POLN: variants seen among roughly 807,000 people sequenced by gnomAD.
POLN encodes DNA polymerase nu, also known as DNA polymerase N.
In POLN, 108 loss-of-function variants were observed where a neutral mutation model predicts 113.5. The ratio of observed to expected loss-of-function variants is 0.95; its 90% confidence interval spans 0.81 to 1.12. The LOEUF (loss-of-function observed/expected upper bound fraction) is 1.12. POLN is among the 50% of genes most tolerant of loss of function. The probability of loss-of-function intolerance (pLI) is 0.00; values close to 1 mark genes in which losing one functional copy is unlikely to be tolerated. For synonymous variants in POLN, 386 were observed against 391.5 expected, an observed-to-expected ratio of 0.99 and a Z score of 0.17; for missense variants, 1,097 against 1,077.1, an observed-to-expected ratio of 1.02 and a Z score of -0.26.
At chr4:2,198,775 A>T in intron 5 of POLN, 58 bp from the exon 6 acceptor site, 1 of 1,426,538 alleles carries the variant, frequency 7.0e-7, no homozygotes. Flanking sequence ...GTAGAAAGAC[A>T]TACATTTTAA....
In POLN at chr4:2,127,586, G is replaced by A. The variant is rs754199893; in HGVS notation, c.1982+527C>T. 5.9e-5 allele frequency among the ~76,000 whole-genome samples: 9 copies of A among 152,146 alleles called. No individual in the cohort carries two copies. Among genetic ancestry groups the A allele is most frequent in the Admixed American group, 3.3e-4 (5 of 15,286 alleles). ...TCCACCAGGAGGAAGAGAAGCCAAC[G>A]TCCTGAGAATATGATGAAAAAGGAC... On this transcript the variant is annotated intron_variant, in intron 19 of 25. Transcript: ENST00000511885. This position sits in a 1 kb window ranked among gnomAD's most constrained non-coding sequence, Gnocchi z 4.7.
chr4:2,092,378 C>T (rs1221282044), intron 20 of POLN, among the ~76,000 whole-genome samples: 1 of 152,246 alleles, frequency 6.6e-6, no homozygotes, highest in Non-Finnish European at 1.5e-5. Context: ...AGGCAGGTTC[C>T]TGCTGGGCTC....
chr4:2,074,921 T>C (rs983216864), intron 24 of POLN, among the ~76,000 whole-genome samples: 1 of 152,066 alleles, frequency 6.6e-6, no homozygotes, highest in Non-Finnish European at 1.5e-5. Context: ...CTGGGGTGAT[T>C]CTGCCTGAGC....
chr4:2,113,056 G>A (rs533137744), intron 19 of POLN, among the ~76,000 whole-genome samples: 127 of 151,830 alleles, frequency 8.4e-4, no homozygotes, highest in Admixed American at 3.8e-3. Flanking sequence ...CTATGCAGCC[G>A]TAAAAAATGA....
intron 19 of POLN, among the ~76,000 whole-genome samples, chr4:2,109,088 T>C (rs1443019734): frequency 6.6e-6 from 1 of 152,108 alleles, no homozygotes; most frequent in African/African-American, 2.4e-5. Context: ...ATTATAGAAA[T>C]TTTGGAAGGA....
chr4:2,129,127 T>A, intron 18 of POLN, 52 bp downstream of exon 18: 1 of 1,308,320 alleles, frequency 7.6e-7, no homozygotes. Flanking sequence ...TTGTTCAATT[T>A]CTAAACCTTT....
At chr4:2,222,776 T>A (rs1414022527) in intron 3 of POLN, among the ~76,000 whole-genome samples, 2 of 151,512 alleles carry the variant, frequency 1.3e-5, no homozygotes, top group East Asian at 3.9e-4. Flanking sequence ...TCAACTGCCT[T>A]GTACTTCTCA....
intron 2 of POLN, chr4:2,238,923 C>A (rs1277972566): frequency 1.2e-6 from 2 of 1,612,118 alleles, no homozygotes; most frequent in African/African-American, 2.7e-5. Context: ...AATAACTGGG[C>A]ATTCTCTCTT....
chr4:2,098,468 T>A (rs2108702765), intron 19 of POLN, among the ~76,000 whole-genome samples: 1 of 152,276 alleles, frequency 6.6e-6, no homozygotes, highest in Admixed American at 6.5e-5. Context: ...TATAAAATAT[T>A]TTTAAACTTA....
At chr4:2,163,362 T>C (rs192417500) in intron 13 of POLN, among the ~76,000 whole-genome samples, 1 of 152,336 alleles carries the variant, frequency 6.6e-6, no homozygotes, top group East Asian at 1.9e-4. Flanking sequence ...ACAAAATAAC[T>C]TTCTAACCAA....
intron 23 of POLN, among the ~76,000 whole-genome samples, chr4:2,078,018 G>A (rs1026147706): frequency 6.6e-6 from 1 of 152,216 alleles, no homozygotes; most frequent in Non-Finnish European, 1.5e-5. Flanking sequence ...TGCACCAGTA[G>A]GAGAATGTTC....
At position 2,193,398 on chromosome 4, in the gene POLN, A is replaced by G. The variant is rs576592293; in HGVS notation, c.909-82T>C. ...GGAAAAATATTATTACTACTCAACTAACAGCTATCACTTAGATAGCACATA... is the reference window on the plus strand; with the variant it reads ...GGAAAAATATTATTACTACTCAACTGACAGCTATCACTTAGATAGCACATA... On this transcript the variant is annotated intron_variant, in intron 6 of 25. Coordinates refer to ENST00000511885, the MANE Select transcript of POLN (RefSeq NM_181808.4). 763 of 833,484 alleles carry G rather than the reference A, an allele frequency of 9.2e-4. 14 individuals carry two copies. The South Asian group carries it at 0.013, about 14-fold the overall frequency. 51.6% of individuals were successfully genotyped at this position (833,484 alleles called of 1,614,324 possible). A position where few individuals can be genotyped will look rare whatever the true frequency, so the allele number is the denominator to read the frequency against.
chr4:2,112,083 A>C (rs1356269211), intron 19 of POLN, among the ~76,000 whole-genome samples: 1 of 152,352 alleles, frequency 6.6e-6, no homozygotes, highest in East Asian at 1.9e-4. Flanking sequence ...ATAATGCTGC[A>C]TATCTACAAC....
Position 2,147,643 on chromosome 4 carries a change from CTTTTT to C in POLN, c.1731+9140_1731+9144del, listed in dbSNP as rs747184067. ...AGATCAGACATCCAGTTTTTCTTTT[CTTTTT>C]TTTTTTTTTTTGAGACAAAGTTTCA... On this transcript the variant is annotated intron_variant, in intron 16 of 25. Transcript: ENST00000511885. Among the ~76,000 whole-genome samples the C allele has an allele frequency of 7.3e-4, 58 of 79,366 alleles. 1 individual carries two copies. Among genetic ancestry groups the C allele is most frequent in the South Asian group, 1.4e-3 (3 of 2,148 alleles). The allele number at this position is 79,366 out of a possible 152,430, so 52.1% of individuals were successfully genotyped here. A position where few individuals can be genotyped will look rare whatever the true frequency, so the allele number is the denominator to read the frequency against.
chr4:2,073,682 A>C (rs1461258235), intron 24 of POLN, among the ~76,000 whole-genome samples: 1 of 152,230 alleles, frequency 6.6e-6, no homozygotes, highest in Non-Finnish European at 1.5e-5. Context: ...TGAAACCTGG[A>C]GCCCCTGGAT....
rs745649232 is a variant in POLN, at chr4:2,179,328, T to A, written c.1159A>T (p.Asn387Tyr). ...ITVKVNSTYG[N>Y]SSRNIVNQNV... ...CTCACCACAATATTTCTTGAGGAAT[T>A]TCCATATGTGCTGTTCACTTTAACT... Residue 387 changes from asparagine to tyrosine, a missense_variant, in exon 8 of 26, where the codon AAT (asparagine) becomes TAT (tyrosine). By Grantham distance (143) the Asn-to-Tyr change is moderately radical. Coordinates refer to ENST00000511885, the MANE Select transcript of POLN (RefSeq NM_181808.4). The A allele has an allele frequency of 5.9e-5, 95 of 1,612,160 alleles. No homozygotes were observed. In the Admixed American group the frequency reaches 1.6e-3, roughly 26 times the overall value.
chr4:2,090,902 C>T (rs1730648628), intron 20 of POLN, among the ~76,000 whole-genome samples: 1 of 152,204 alleles, frequency 6.6e-6, no homozygotes, highest in Non-Finnish European at 1.5e-5. Context: ...TCCTGGCTCT[C>T]TTCTTTCTAG....
At chr4:2,173,161 C>G (rs1342109775) in intron 11 of POLN, among the ~76,000 whole-genome samples, 1 of 152,160 alleles carries the variant, frequency 6.6e-6, no homozygotes, top group Non-Finnish European at 1.5e-5. Flanking sequence ...CTTTTGGCAG[C>G]AAGAAAGGGG....
intron 2 of POLN, chr4:2,240,055 G>A (rs1734914685): frequency 6.2e-7 from 1 of 1,613,242 alleles, no homozygotes; most frequent in African/African-American, 1.3e-5. Flanking sequence ...GTTAGGCTGT[G>A]AAGACTCTCC....
Sources: allele counts gnomAD v4.1 joint callset (sites outside exome capture counted in the v4.1 genomes callset), GRCh38; gene constraint gnomAD v4.1.1; non-coding constraint Gnocchi (gnomAD v3.1); transcripts MANE v1.5; gene names NCBI Gene and HGNC (gene_info 2026-07-23, HGNC 2026-07-21).